CDH18: variants seen among roughly 807,000 people sequenced by gnomAD.
The protein encoded by CDH18 is cadherin-18.
A neutral mutation model predicts 67.9 loss-of-function variants in CDH18; 31 were observed. The ratio of observed to expected loss-of-function variants is 0.46; its 90% confidence interval spans 0.34 to 0.62. The LOEUF is 0.62. Among genes scored for constraint, CDH18 ranks in the 20% least tolerant of loss-of-function variants. The pLI is 0.01. For synonymous variants in CDH18, 362 were observed against 347.2 expected, an observed-to-expected ratio of 1.04 and a Z score of -0.48; for missense variants, 890 against 975.5, an observed-to-expected ratio of 0.91 and a Z score of 1.17.
At chr5:19,665,674 T>TA (rs1285738566) in intron 5 of CDH18, among the ~76,000 whole-genome samples, 1 of 151,970 alleles carries the variant, frequency 6.6e-6, no homozygotes, top group Non-Finnish European at 1.5e-5. Context: ...GGTATTAACA[T>TA]AAAAAAGGGC....
At chr5:19,577,588 C>T (rs1274937205) in intron 7 of CDH18, among the ~76,000 whole-genome samples, 1 of 152,084 alleles carries the variant, frequency 6.6e-6, no homozygotes, top group Non-Finnish European at 1.5e-5. Context: ...AGAGTTTCAC[C>T]CACACCTGAT....
intron 2 of CDH18, among the ~76,000 whole-genome samples, chr5:20,026,620 G>A (rs955666730): frequency 1.3e-5 from 2 of 152,202 alleles, no homozygotes; most frequent in African/African-American, 2.4e-5. Flanking sequence ...ACATTTGGCA[G>A]TGCTACACAT....
chr5:19,477,174 T>A (rs1738615894), intron 12 of CDH18, among the ~76,000 whole-genome samples: 1 of 149,880 alleles, frequency 6.7e-6, no homozygotes, highest in Non-Finnish European at 1.5e-5. Context: ...AATCAAAATC[T>A]GAGACATTTT....
At chr5:19,620,066 A>G (rs891140075) in intron 5 of CDH18, among the ~76,000 whole-genome samples, 25 of 152,220 alleles carry the variant, frequency 1.6e-4, no homozygotes, top group Non-Finnish European at 3.7e-4. Context: ...CAAGCTACTT[A>G]GCTGCAAGCT....
chr5:20,121,452 C>T (rs1366759988), intron 2 of CDH18, among the ~76,000 whole-genome samples: 1 of 152,072 alleles, frequency 6.6e-6, no homozygotes, highest in Non-Finnish European at 1.5e-5. Context: ...TGAGCCCACA[C>T]TGTTTGTTAC....
chr5:19,553,445 T>A (rs932528346), intron 8 of CDH18, among the ~76,000 whole-genome samples: 1 of 151,632 alleles, frequency 6.6e-6, no homozygotes, highest in East Asian at 1.9e-4. Flanking sequence ...AAATAAAGTA[T>A]AGAAGACCTC....
intron 2 of CDH18, among the ~76,000 whole-genome samples, chr5:19,844,901 C>T (rs955636317): frequency 6.6e-6 from 1 of 152,168 alleles, no homozygotes; most frequent in Non-Finnish European, 1.5e-5. Context: ...AATTCAATGG[C>T]TATCCAACAC....
At chr5:19,826,156 A>T (rs1262390063) in intron 3 of CDH18, among the ~76,000 whole-genome samples, 1 of 152,188 alleles carries the variant, frequency 6.6e-6, no homozygotes, top group Non-Finnish European at 1.5e-5. Flanking sequence ...GGTTCTCTGA[A>T]GTAACAGGCA....
chr5:19,776,407 GTC>G (rs1774382691), intron 3 of CDH18, among the ~76,000 whole-genome samples: 2 of 152,258 alleles, frequency 1.3e-5, no homozygotes, highest in East Asian at 1.9e-4. Flanking sequence ...ATTGATAACG[GTC>G]TGTTTAATTC....
At chr5:19,953,027 T>G (rs1795949006) in intron 2 of CDH18, among the ~76,000 whole-genome samples, 1 of 152,094 alleles carries the variant, frequency 6.6e-6, no homozygotes. Flanking sequence ...AGCAATTACT[T>G]GGGTGATATT....
chr5:20,313,882 T>A (rs1737223727), intron 1 of CDH18, among the ~76,000 whole-genome samples: 1 of 152,056 alleles, frequency 6.6e-6, no homozygotes, highest in African/African-American at 2.4e-5. Context: ...CCTTGGGTAA[T>A]CTTATGTACT....
chr5:20,487,227 A>G (rs1274565204), intron 1 of CDH18, among the ~76,000 whole-genome samples: 2 of 152,044 alleles, frequency 1.3e-5, no homozygotes, highest in Non-Finnish European at 2.9e-5. Flanking sequence ...TTTTCTGTTA[A>G]TCCATTCTTA....
chr5:19,841,955 G>A (rs949680119), intron 2 of CDH18, among the ~76,000 whole-genome samples: 22 of 152,188 alleles, frequency 1.4e-4, no homozygotes, highest in Admixed American at 5.9e-4. Flanking sequence ...TCACTACAGC[G>A]CTTATGGAGA....
intron 2 of CDH18, among the ~76,000 whole-genome samples, chr5:20,060,392 A>C (rs2150507448): frequency 6.6e-6 from 1 of 152,234 alleles, no homozygotes; most frequent in African/African-American, 2.4e-5. Context: ...TGAAGCCAGG[A>C]GGCAGAGGTT....
intron 7 of CDH18, among the ~76,000 whole-genome samples, chr5:19,589,777 A>G (rs1448055053): frequency 1.3e-5 from 2 of 152,078 alleles, no homozygotes; most frequent in African/African-American, 4.8e-5. Flanking sequence ...GGATTCAGCC[A>G]CATTATTTTG....
intron 5 of CDH18, among the ~76,000 whole-genome samples, chr5:19,616,960 C>G (rs568361536): frequency 2.0e-5 from 3 of 152,198 alleles, no homozygotes; most frequent in African/African-American, 4.8e-5. Context: ...CTATTTTCAT[C>G]ATGAAATGAC....
intron 3 of CDH18, among the ~76,000 whole-genome samples, chr5:19,805,026 A>C (rs1299042615): frequency 6.6e-6 from 1 of 151,702 alleles, no homozygotes; most frequent in African/African-American, 2.4e-5. Flanking sequence ...AACTCACGGC[A>C]GCCTCTGCCT....
intron 3 of CDH18, among the ~76,000 whole-genome samples, chr5:19,753,772 C>A (rs1369229670): frequency 6.6e-6 from 1 of 152,162 alleles, no homozygotes; most frequent in Non-Finnish European, 1.5e-5. Flanking sequence ...AGATTGACAG[C>A]AGATTTCTCA....
chr5:20,164,249 A>G (rs1271468747), intron 2 of CDH18, among the ~76,000 whole-genome samples: 1 of 152,126 alleles, frequency 6.6e-6, no homozygotes, highest in Non-Finnish European at 1.5e-5. Flanking sequence ...AGTTTCTTAA[A>G]TATCTTTCTA....
Sources: allele counts gnomAD v4.1 joint callset (sites outside exome capture counted in the v4.1 genomes callset), GRCh38; gene constraint gnomAD v4.1.1; transcripts MANE v1.5; gene names NCBI Gene and HGNC (gene_info 2026-07-23, HGNC 2026-07-21).